BTBD1: variants seen among roughly 807,000 people sequenced by gnomAD.
BTBD1 encodes BTB/POZ domain-containing protein 1.
A neutral mutation model predicts 48.0 loss-of-function variants in BTBD1; 34 were observed. The observed-to-expected ratio is 0.71, with a 90% confidence interval of 0.54 to 0.94. The LOEUF (loss-of-function observed/expected upper bound fraction) is 0.94. Ranked by LOEUF, BTBD1 falls within the 40% of genes least tolerant of loss-of-function variation. The probability of loss-of-function intolerance (pLI) is 0.00; values close to 1 mark genes in which losing one functional copy is unlikely to be tolerated. For synonymous variants in BTBD1, 261 were observed against 242.1 expected, an observed-to-expected ratio of 1.08 and a Z score of -0.72; for missense variants, 543 against 625.6, an observed-to-expected ratio of 0.87 and a Z score of 1.41.
At chr15:83,026,420 T>C (rs755693241) in intron 5 of BTBD1, among the ~76,000 whole-genome samples, 50 of 152,172 alleles carry the variant, frequency 3.3e-4, no homozygotes, top group Non-Finnish European at 6.8e-4. Context: ...AATCAACTTT[T>C]AAGTGTCTTG....
chr15:83,053,664 T>G (rs1224940843), intron 2 of BTBD1, among the ~76,000 whole-genome samples: 1 of 152,226 alleles, frequency 6.6e-6, no homozygotes, highest in Non-Finnish European at 1.5e-5. Flanking sequence ...GAATATCAAC[T>G]TATTTATTAG....
chr15:83,063,030 T>C (rs903976937), intron 1 of BTBD1, among the ~76,000 whole-genome samples: 1 of 152,210 alleles, frequency 6.6e-6, no homozygotes, highest in African/African-American at 2.4e-5. Context: ...TGACTCTCAA[T>C]AGCATTGAGC....
chr15:83,059,272 A>G (rs1196131458), intron 1 of BTBD1, among the ~76,000 whole-genome samples: 2 of 152,188 alleles, frequency 1.3e-5, no homozygotes, highest in East Asian at 3.9e-4. Context: ...TTGGCCGGGC[A>G]TGGTGGCTCA....
chr15:83,052,950 A>G (rs539794115), intron 2 of BTBD1, among the ~76,000 whole-genome samples: 1 of 151,874 alleles, frequency 6.6e-6, no homozygotes, highest in African/African-American at 2.4e-5. Flanking sequence ...AGACATTTTA[A>G]TTGGCCAACT....
At chr15:83,063,059 C>G (rs2033201516) in intron 1 of BTBD1, among the ~76,000 whole-genome samples, 2 of 152,186 alleles carry the variant, frequency 1.3e-5, no homozygotes, top group African/African-American at 4.8e-5. Context: ...CCACTTTCCA[C>G]TTTCCATAGT....
intron 1 of BTBD1, among the ~76,000 whole-genome samples, chr15:83,063,118 GAATAT>G (rs2033202217): frequency 6.6e-6 from 1 of 152,126 alleles, no homozygotes; most frequent in Admixed American, 6.6e-5. Context: ...TTGACTTTCA[GAATAT>G]AATGCTCCTT....
chr15:83,037,914 T>C (rs1450433253), intron 4 of BTBD1, among the ~76,000 whole-genome samples: 1 of 151,912 alleles, frequency 6.6e-6, no homozygotes, highest in African/African-American at 2.4e-5. Context: ...TGAAACCCCA[T>C]CTCTACTAAA....
chr15:83,052,834 G>C (rs2033019181), intron 2 of BTBD1, among the ~76,000 whole-genome samples: 1 of 134,336 alleles, frequency 7.4e-6, no homozygotes, highest in Admixed American at 7.8e-5. Flanking sequence ...TAGAGACGGG[G>C]TTTCACTGTG....
chr15:83,037,463 G>GA (rs1159065004), intron 4 of BTBD1, among the ~76,000 whole-genome samples: 2 of 152,144 alleles, frequency 1.3e-5, no homozygotes, highest in Non-Finnish European at 2.9e-5. Context: ...CAATAGACAT[G>GA]AAAAAGCATT....
At chr15:83,055,304 C>A (rs1425931148) in intron 2 of BTBD1, among the ~76,000 whole-genome samples, 1 of 152,204 alleles carries the variant, frequency 6.6e-6, no homozygotes, top group Non-Finnish European at 1.5e-5. Flanking sequence ...GTCACCCAAG[C>A]TGGACTGCAA....
intron 5 of BTBD1, among the ~76,000 whole-genome samples, chr15:83,027,800 G>T (rs1187358787): frequency 6.6e-6 from 1 of 152,184 alleles, no homozygotes; most frequent in African/African-American, 2.4e-5. Flanking sequence ...CAGCAATGCT[G>T]CTCATGATAT....
At chr15:83,059,876 G>A (rs1229924075) in intron 1 of BTBD1, among the ~76,000 whole-genome samples, 1 of 152,190 alleles carries the variant, frequency 6.6e-6, no homozygotes, top group Non-Finnish European at 1.5e-5. Flanking sequence ...ATAGGCCTGA[G>A]CCACTGTACC....
At chr15:83,020,794 T>G (rs780340602) in intron 5 of BTBD1, 32 bp from the exon 6 acceptor site, 2 of 1,327,500 alleles carry the variant, frequency 1.5e-6, no homozygotes. Flanking sequence ...TAAAATATAA[T>G]TAATCCCATG....
intron 4 of BTBD1, among the ~76,000 whole-genome samples, chr15:83,033,674 G>T (rs2032567027): frequency 6.6e-6 from 1 of 152,010 alleles, no homozygotes. Flanking sequence ...TGAACTCCTG[G>T]GCTCAAGTGA....
At chr15:83,036,639 T>A (rs565290928) in intron 4 of BTBD1, among the ~76,000 whole-genome samples, 1 of 152,170 alleles carries the variant, frequency 6.6e-6, no homozygotes, top group Non-Finnish European at 1.5e-5. Flanking sequence ...ATGGCCTCAA[T>A]GGTCCCCAAA....
chr15:83,058,831 T>C (rs377537348), intron 1 of BTBD1, among the ~76,000 whole-genome samples: 4 of 152,238 alleles, frequency 2.6e-5, no homozygotes, highest in African/African-American at 4.8e-5. Flanking sequence ...TGAGAATCTA[T>C]AAATGCGGGC....
At chr15:83,064,813 C>G (rs1262823750) in intron 1 of BTBD1, among the ~76,000 whole-genome samples, 1 of 152,206 alleles carries the variant, frequency 6.6e-6, no homozygotes, top group Non-Finnish European at 1.5e-5. Flanking sequence ...ACCCAATCCT[C>G]CTGGTGAACT....
intron 7 of BTBD1, 134 bp downstream of exon 7, chr15:83,018,573 G>A (rs891595660): frequency 8.4e-6 from 8 of 954,126 alleles, no homozygotes; most frequent in Non-Finnish European, 1.1e-5. Flanking sequence ...GGAAGGCAGT[G>A]GAATATTTTA....
rs2033303841 is a variant in BTBD1 at position 83,067,239 on chromosome 15, C to T, written c.-88G>A. The T allele has an allele frequency of 4.7e-6, 6 of 1,274,792 alleles. No homozygotes were observed. The highest frequency in any genetic ancestry group is 4.2e-5 in the Admixed American group (1 of 24,074). The allele number at this position is 1,274,792 out of a possible 1,614,324, so 79.0% of individuals were successfully genotyped here. On this transcript the variant is annotated 5_prime_UTR_variant, in exon 1 of 8. Coordinates refer to ENST00000261721, the MANE Select transcript of BTBD1 (RefSeq NM_025238.4). ...CCGGAGGCCGGCGCTGCCTCCCTGCCTTCCGGGAAAGGCGCTTCCGGGGGC... is the reference window on the plus strand; with the variant it reads ...CCGGAGGCCGGCGCTGCCTCCCTGCTTTCCGGGAAAGGCGCTTCCGGGGGC...
Sources: allele counts gnomAD v4.1 joint callset (sites outside exome capture counted in the v4.1 genomes callset), GRCh38; gene constraint gnomAD v4.1.1; transcripts MANE v1.5; gene names NCBI Gene and HGNC (gene_info 2026-07-23, HGNC 2026-07-21).